The following CALD1 variants were observed in gnomAD, a reference collection of about 807,000 sequenced individuals.
CALD1 encodes caldesmon.
In CALD1, 33 loss-of-function variants were observed where a neutral mutation model predicts 99.9. The ratio of observed to expected loss-of-function variants is 0.33; its 90% CI spans 0.25 to 0.44. The LOEUF (loss-of-function observed/expected upper bound fraction) is 0.44. CALD1 is among the 20% of genes least tolerant of loss of function. The pLI, the probability that CALD1 is intolerant of heterozygous loss-of-function variation, is 1.00. For missense variants in CALD1, 861 were observed against 962.1 expected (o/e 0.89, Z 1.39); for synonymous variants, 310 against 325.0 (o/e 0.95, Z 0.50).
the CALD1 span, among the ~76,000 whole-genome samples, chr7:134,723,260 G>A: frequency 6.6e-6 from 1 of 152,210 alleles, no homozygotes; most frequent in Non-Finnish European, 1.5e-5. Flanking sequence ...AGGGTAATCT[G>A]AAGTTTCTCT....
intron 2 of CALD1, among the ~76,000 whole-genome samples, chr7:134,860,986 G>T (rs1487587552): frequency 1.3e-5 from 2 of 152,160 alleles, no homozygotes; most frequent in Non-Finnish European, 2.9e-5. Context: ...GGATGCTGTG[G>T]TATGATCAGC....
upstream of CALD1, among the ~76,000 whole-genome samples, chr7:134,742,312 A>G (rs965420976): frequency 1.3e-5 from 2 of 152,248 alleles, no homozygotes; most frequent in African/African-American, 4.8e-5. Context: ...AACAGTAACG[A>G]TGAAAATGGA....
chr7:134,739,153 T>G, the CALD1 span, among the ~76,000 whole-genome samples: 2 of 152,178 alleles, frequency 1.3e-5, no homozygotes, highest in Non-Finnish European at 2.9e-5. Flanking sequence ...TTGGAGCTTG[T>G]CTGTTTTCTA....
chr7:134,950,411 G>A lies in CALD1; in HGVS notation c.1832G>A (p.Arg611Gln), dbSNP rs1807243396. ...KRRLKEEIER[R>Q]RAEAAEKRQK... ...AGGCTAAAGGAAGAGATTGAAAGGC[G>A]AAGAGCAGAAGCTGCTGAGAAACGC... Residue 611 changes from arginine (R) to glutamine (Q), a missense_variant, in exon 9 of 15, where the codon CGA becomes CAA. Around this residue, in one of 5 missense-constraint regions of CALD1, gnomAD observed 190 missense variants for 249.0 expected, o/e 0.76. Transcript: ENST00000361675. 1.9e-6 allele frequency: 3 copies of A among 1,613,976 alleles called. No individual in the cohort carries two copies. Among genetic ancestry groups the A allele is most frequent in the Non-Finnish European group, 1.7e-6 (2 of 1,179,944 alleles).
At position 134,950,524 on chromosome 7, in the gene CALD1, T is replaced by TC. The variant is rs1303845706; in HGVS notation, c.1935+14dup. On this transcript the variant is annotated intron_variant, in intron 9 of 14. Coordinates refer to ENST00000361675, the MANE Select transcript of CALD1 (RefSeq NM_033138.4). ...AGGTTCATCTCTCAAGGTATTTTTT[T>TC]CCCCAGAAAACTTCTATTAGAATAT... The TC allele has an allele frequency of 1.2e-6, 2 of 1,611,532 alleles. No homozygotes were observed. Among genetic ancestry groups the TC allele is most frequent in the African/African-American group, 2.7e-5 (2 of 74,898 alleles).
chr7:134,900,349 A>T (rs1425665321), intron 3 of CALD1, among the ~76,000 whole-genome samples: 1 of 152,146 alleles, frequency 6.6e-6, no homozygotes, highest in Non-Finnish European at 1.5e-5. Context: ...AATTGAATTG[A>T]AAAAGACTGA....
chr7:134,872,759 A>G (rs1432128683), intron 3 of CALD1, among the ~76,000 whole-genome samples: 1 of 152,234 alleles, frequency 6.6e-6, no homozygotes, highest in Non-Finnish European at 1.5e-5. Context: ...TTTCTAAGCA[A>G]AAGGCACTAT....
chr7:134,812,941 T>G (rs1798409849), intron 1 of CALD1, among the ~76,000 whole-genome samples: 1 of 152,052 alleles, frequency 6.6e-6, no homozygotes, highest in East Asian at 1.9e-4. Flanking sequence ...CATTTAAAGG[T>G]CAGAGTAAAG....
chr7:134,742,257 G>A (rs144132909), upstream of CALD1, among the ~76,000 whole-genome samples: 457 of 152,316 alleles, frequency 3.0e-3, 1 homozygote, highest in Non-Finnish European at 5.0e-3. Flanking sequence ...GATAGGCTAT[G>A]TGAAAAAACT....
chr7:134,741,266 T>C (rs1416470481), upstream of CALD1, among the ~76,000 whole-genome samples: 1 of 152,140 alleles, frequency 6.6e-6, no homozygotes, highest in Non-Finnish European at 1.5e-5. Flanking sequence ...ACGTCCTTCT[T>C]CACATGGCAG....
intron 3 of CALD1, among the ~76,000 whole-genome samples, chr7:134,883,713 T>G (rs1226695055): frequency 6.6e-6 from 1 of 152,254 alleles, no homozygotes; most frequent in Non-Finnish European, 1.5e-5. Context: ...AGAGCATTTC[T>G]GATAAATACA....
rs549832326 is a variant in CALD1 at position 134,882,694 on chromosome 7, G to A, written c.71+14890G>A. ...TGGGCAGAAGTAGGATAAGGGTAGG[G>A]CCAATCTCTGGCATGTATTTATCAA... On this transcript the variant is annotated intron_variant, in intron 3 of 14. Transcript: ENST00000361675. Among the ~76,000 whole-genome samples the A allele has an allele frequency of 3.9e-5, 6 of 152,312 alleles. No individual in the cohort carries two copies. The South Asian group carries it at 1.0e-3, about 26-fold the overall frequency.
chr7:134,777,311 TA>T (rs1796926196), upstream of CALD1, among the ~76,000 whole-genome samples: 1 of 152,204 alleles, frequency 6.6e-6, no homozygotes, highest in Non-Finnish European at 1.5e-5. Flanking sequence ...TTCAAATACA[TA>T]AAATAGGTTG....
chr7:134,829,980 G>A (rs6954307), intron 1 of CALD1, among the ~76,000 whole-genome samples: 33,087 of 151,942 alleles, frequency 0.22, 6,526 homozygotes, highest in African/African-American at 0.53. Context: ...TCCCAAGTCC[G>A]GAGCTTAAGC....
intron 1 of CALD1, among the ~76,000 whole-genome samples, chr7:134,761,203 T>C (rs1317356405): frequency 6.6e-6 from 1 of 152,144 alleles, no homozygotes; most frequent in Non-Finnish European, 1.5e-5. Context: ...CTGCGTGAAG[T>C]TTTATTTTTA....
At chr7:134,750,149 T>C (rs1045998186) in intron 1 of CALD1, among the ~76,000 whole-genome samples, 15 of 151,486 alleles carry the variant, frequency 9.9e-5, no homozygotes, top group African/African-American at 2.7e-4. Flanking sequence ...CCCTGCAAAC[T>C]AGATTTAGTT....
At chr7:134,717,278 T>C in the CALD1 span, among the ~76,000 whole-genome samples, 1 of 152,176 alleles carries the variant, frequency 6.6e-6, no homozygotes, top group Admixed American at 6.5e-5. Context: ...TTTTGACAAA[T>C]GTATAATGTC....
chr7:134,948,321 G>A (rs770771245), intron 8 of CALD1, among the ~76,000 whole-genome samples: 8 of 145,008 alleles, frequency 5.5e-5, no homozygotes, highest in African/African-American at 1.8e-4. Flanking sequence ...ACCCCATACC[G>A]TGCCTGACAT....
intron 2 of CALD1, among the ~76,000 whole-genome samples, chr7:134,851,158 A>G (rs1800064145): frequency 6.6e-6 from 1 of 152,162 alleles, no homozygotes; most frequent in Non-Finnish European, 1.5e-5. Flanking sequence ...GGATGCAGGG[A>G]TGCATATGTT....
Sources: allele counts gnomAD v4.1 joint callset (sites outside exome capture counted in the v4.1 genomes callset), GRCh38; gene constraint gnomAD v4.1.1; regional missense constraint gnomAD v4.1.1; transcripts MANE v1.5; gene names NCBI Gene and HGNC (gene_info 2026-07-23, HGNC 2026-07-21).